SPOCK1: variants seen among roughly 807,000 people sequenced by gnomAD.
The protein encoded by SPOCK1 is SPARC (osteonectin), cwcv and kazal like domains proteoglycan 1, also known as testican-1.
A neutral mutation model predicts 55.3 loss-of-function variants in SPOCK1; 23 were observed. The observed-to-expected ratio is 0.42, with a 90% CI of 0.30 to 0.59. SPOCK1 has a LOEUF of 0.59. Among genes scored for constraint, SPOCK1 ranks in the 20% least tolerant of loss-of-function variants. SPOCK1 has a pLI of 0.22. For missense variants in SPOCK1, 499 were observed against 552.5 expected, an observed-to-expected ratio of 0.90 and a Z score of 0.97; for synonymous variants, 226 against 221.0, an observed-to-expected ratio of 1.02 and a Z score of -0.20.
chr5:137,422,593 T>A (rs1752523105), intron 2 of SPOCK1, among the ~76,000 whole-genome samples: 2 of 151,874 alleles, frequency 1.3e-5, no homozygotes, highest in Non-Finnish European at 2.9e-5. Flanking sequence ...CTGAGGCTTG[T>A]GCATTCGTCA....
intron 2 of SPOCK1, among the ~76,000 whole-genome samples, chr5:137,401,827 T>A (rs1286000395): frequency 6.6e-6 from 1 of 152,082 alleles, no homozygotes; most frequent in Non-Finnish European, 1.5e-5. Flanking sequence ...GAAAATCTGC[T>A]CATGATACAC....
chr5:137,102,184 G>C (rs1341238725), intron 5 of SPOCK1, among the ~76,000 whole-genome samples: 3 of 152,070 alleles, frequency 2.0e-5, no homozygotes, highest in African/African-American at 7.3e-5. Flanking sequence ...TCATAGCGAA[G>C]GTTGGGATGA....
chr5:137,309,758 T>C (rs1757759033), intron 2 of SPOCK1, among the ~76,000 whole-genome samples: 2 of 151,962 alleles, frequency 1.3e-5, no homozygotes, highest in Non-Finnish European at 2.9e-5. Flanking sequence ...CAGAGACTTA[T>C]CACATAGAAT....
intron 3 of SPOCK1, among the ~76,000 whole-genome samples, chr5:137,208,170 T>G (rs1406656555): frequency 6.6e-6 from 1 of 152,224 alleles, no homozygotes; most frequent in Non-Finnish European, 1.5e-5. Context: ...CATTATTTTT[T>G]TCTATTTACG....
intron 2 of SPOCK1, among the ~76,000 whole-genome samples, chr5:137,320,946 C>G (rs1322945903): frequency 6.6e-6 from 1 of 152,112 alleles, no homozygotes; most frequent in Admixed American, 6.5e-5. Context: ...TGAATTATCT[C>G]ATAAACAATT....
At chr5:137,423,898 G>A (rs1335540640) in intron 2 of SPOCK1, among the ~76,000 whole-genome samples, 1 of 152,306 alleles carries the variant, frequency 6.6e-6, no homozygotes, top group East Asian at 1.9e-4. Flanking sequence ...GTAGACTGGA[G>A]CTGTTCCTAT....
intron 6 of SPOCK1, among the ~76,000 whole-genome samples, chr5:137,021,842 G>A (rs1472839667): frequency 1.3e-5 from 2 of 152,068 alleles, no homozygotes; most frequent in African/African-American, 4.8e-5. Flanking sequence ...ATACCCATAT[G>A]TTTCACTGAG....
intron 3 of SPOCK1, among the ~76,000 whole-genome samples, chr5:137,190,266 C>G (rs1016126309): frequency 6.6e-6 from 1 of 152,090 alleles, no homozygotes; most frequent in Non-Finnish European, 1.5e-5. Context: ...ACAGAGAATT[C>G]TTTTGTGAAA....
intron 2 of SPOCK1, among the ~76,000 whole-genome samples, chr5:137,449,756 G>A (rs1206921046): frequency 6.7e-6 from 1 of 149,764 alleles, no homozygotes; most frequent in African/African-American, 2.5e-5. Flanking sequence ...ATAGCCAGGT[G>A]TAGTGGCAGA....
chr5:137,367,861 A>G (rs1751109504), intron 2 of SPOCK1, among the ~76,000 whole-genome samples: 1 of 152,218 alleles, frequency 6.6e-6, no homozygotes, highest in Non-Finnish European at 1.5e-5. Flanking sequence ...CAGAGGAGCT[A>G]TTGCTTTGGA....
At chr5:137,303,072 A>C (rs1580855930) in intron 2 of SPOCK1, among the ~76,000 whole-genome samples, 1 of 152,228 alleles carries the variant, frequency 6.6e-6, no homozygotes, top group Middle Eastern at 3.4e-3. Context: ...AGGAGTGCAA[A>C]CTGAATTGGA....
At chr5:137,095,043 G>A (rs1753118098) in intron 5 of SPOCK1, among the ~76,000 whole-genome samples, 1 of 152,184 alleles carries the variant, frequency 6.6e-6, no homozygotes, top group African/African-American at 2.4e-5. Flanking sequence ...TGCCCATGGA[G>A]AGGGAGAGAG....
rs115624545 is a variant in SPOCK1, at chr5:137,473,157, G to A, written c.186+25216C>T. On this transcript the variant is annotated intron_variant, in intron 2 of 10. Coordinates refer to ENST00000394945, the MANE Select transcript of SPOCK1 (RefSeq NM_004598.4). The stretch of plus-strand genomic sequence containing the variant: ...CAAACATGAAACAATAAATGCACAA[G>A]ATTATTCACTCACCCTCATGAATAT... Among the ~76,000 whole-genome samples, 407 of 152,186 alleles carry A rather than the reference G, an allele frequency of 2.7e-3. 1 individual carries two copies. Among genetic ancestry groups the A allele is most frequent in the African/African-American group, 9.4e-3 (391 of 41,510 alleles).
At chr5:137,066,200 G>A (rs749026196) in intron 6 of SPOCK1, among the ~76,000 whole-genome samples, 6 of 152,196 alleles carry the variant, frequency 3.9e-5, no homozygotes, top group East Asian at 1.9e-4. Flanking sequence ...GTACAGTGGC[G>A]CAATCTTGAC....
intron 2 of SPOCK1, among the ~76,000 whole-genome samples, chr5:137,407,161 T>C (rs558302293): frequency 6.6e-6 from 1 of 152,304 alleles, no homozygotes; most frequent in South Asian, 2.1e-4. Context: ...AATTTCATGG[T>C]CTGGAAAAAA....
At position 137,293,466 on chromosome 5, in the gene SPOCK1, T is replaced by C. The variant is rs145318957; in HGVS notation, c.187-26411A>G. ...CTCTAGAGCTTCAAATCTCAAACTT[T>C]AGCCTGCATCAGAATCACAGAGGAA... is the stretch of plus-strand genomic sequence containing the variant. On this transcript the variant is annotated intron_variant, in intron 2 of 10. Coordinates refer to ENST00000394945, the MANE Select transcript of SPOCK1 (RefSeq NM_004598.4). Among the ~76,000 whole-genome samples, 23 of 149,294 alleles carry C rather than the reference T, an allele frequency of 1.5e-4. No individual in the cohort carries two copies. The South Asian group carries it at 3.9e-3, about 25-fold the overall frequency.
At chr5:137,264,135 C>T (rs1022831953) in intron 3 of SPOCK1, among the ~76,000 whole-genome samples, 7 of 152,050 alleles carry the variant, frequency 4.6e-5, no homozygotes, top group African/African-American at 1.4e-4. Flanking sequence ...GTCTGACCAC[C>T]GGTGACAGCC....
rs202104608 is a variant in SPOCK1, at chr5:137,020,481, GA to G, written c.590-27882del. On this transcript the variant is annotated intron_variant, in intron 6 of 10. Coordinates refer to ENST00000394945, the MANE Select transcript of SPOCK1 (RefSeq NM_004598.4). ...TATAAAAGATATTCAGAAGAAAATA[GA>G]ATATGTTTATGACTTCAAGGTCGGG... Among the ~76,000 whole-genome samples the G allele has an allele frequency of 6.9e-3, 1,054 of 151,964 alleles. 11 individuals are homozygous for G. The highest frequency in any genetic ancestry group is 0.023 in the African/African-American group (960 of 41,520).
intron 3 of SPOCK1, among the ~76,000 whole-genome samples, chr5:137,223,380 G>A (rs1278875277): frequency 2.6e-5 from 4 of 151,334 alleles, no homozygotes; most frequent in Non-Finnish European, 4.4e-5. Context: ...TGTTCTCTAC[G>A]TATTAAAAAC....
Sources: gnomAD v4.1 joint callset for allele counts (sites outside exome capture counted in the v4.1 genomes callset) on GRCh38, gnomAD v4.1.1 for gene constraint, MANE v1.5 for transcripts, NCBI Gene and HGNC (gene_info 2026-07-23, HGNC 2026-07-21) for gene names.